The following FRAS1 variants were observed in gnomAD, a reference collection of about 807,000 sequenced individuals.
FRAS1 encodes the protein extracellular matrix organizing protein FRAS1.
In FRAS1, 290 loss-of-function variants were observed where a neutral mutation model predicts 435.2. The observed-to-expected ratio is 0.67, with a 90% CI of 0.61 to 0.73. The LOEUF (loss-of-function observed/expected upper bound fraction) is 0.73, where lower values mean the gene tolerates loss of function less well. Among genes scored for constraint, FRAS1 ranks in the 30% least tolerant of loss-of-function variants. The probability of loss-of-function intolerance (pLI) is 0.00; values close to 1 mark genes in which losing one functional copy is unlikely to be tolerated. For synonymous variants in FRAS1, 1,800 were observed against 1,851.0 expected, an observed-to-expected ratio of 0.97 and a Z score of 0.71; for missense variants, 4,860 against 5,001.5, an observed-to-expected ratio of 0.97 and a Z score of 0.85.
chr4:78,272,682 G>C (rs1295739470), intron 9 of FRAS1, among the ~76,000 whole-genome samples: 4 of 152,176 alleles, frequency 2.6e-5, no homozygotes, highest in African/African-American at 9.6e-5. Context: ...TCTCTGTTTT[G>C]GTACCAGTAC....
Position 78,424,498 on chromosome 4 carries a change from CATT to C in FRAS1, c.4711+82_4711+84del, listed in dbSNP as rs149695943. On this transcript the variant is annotated intron_variant, in intron 35 of 73. Transcript: ENST00000512123. Reference sequence around the variant, plus strand: ...AGTTCTTTCTTTTTGTTCCCATCATCATTATTTTTAGCTATTTTCTAAGAACTA... The same window carrying C: ...AGTTCTTTCTTTTTGTTCCCATCATCATTTTTAGCTATTTTCTAAGAACTA... 3,894 of 612,204 alleles carry C rather than the reference CATT, an allele frequency of 6.4e-3. 22 individuals carry two copies. The highest frequency in any genetic ancestry group is 8.4e-3 in the Non-Finnish European group (3,144 of 373,822). The allele number at this position is 612,204 out of a possible 1,614,324, so 37.9% of individuals were successfully genotyped here.
At chr4:78,302,663 A>G (rs406143) in intron 14 of FRAS1, among the ~76,000 whole-genome samples, 97,914 of 151,640 alleles carry the variant, frequency 0.65, 32,130 homozygotes, top group Non-Finnish European at 0.69. Flanking sequence ...CTTTTGAGAA[A>G]TGTCTGTTCA....
rs542738113 is a variant in FRAS1, at chr4:78,263,777, C to A, written c.604-1248C>A. Among the ~76,000 whole-genome samples, 21 of 152,272 alleles carry A rather than the reference C, an allele frequency of 1.4e-4. No homozygotes were observed. In the East Asian group the frequency reaches 4.0e-3, roughly 29 times the overall value. ...CATATAGAAAAATAAAGAAATAAAACAACCTAAAACAGAGAAAATAGTTGT... is the reference window on the plus strand; with the variant it reads ...CATATAGAAAAATAAAGAAATAAAAAAACCTAAAACAGAGAAAATAGTTGT... On this transcript the variant is annotated intron_variant, in intron 6 of 73. Coordinates refer to ENST00000512123, the MANE Select transcript of FRAS1 (RefSeq NM_025074.7).
At chr4:78,091,109 C>T (rs537433443) in intron 2 of FRAS1, among the ~76,000 whole-genome samples, 11 of 152,106 alleles carry the variant, frequency 7.2e-5, no homozygotes, top group Admixed American at 3.3e-4. Flanking sequence ...TTAGTTTCAC[C>T]GCTGTTTGAA....
chr4:78,335,820 A>G (rs553326664), intron 19 of FRAS1, among the ~76,000 whole-genome samples: 1 of 152,106 alleles, frequency 6.6e-6, no homozygotes, highest in African/African-American at 2.4e-5. Flanking sequence ...TTTGAAAATC[A>G]CTAGTTGGGA....
chr4:78,075,718 G>C (rs889188624), intron 2 of FRAS1, among the ~76,000 whole-genome samples: 1 of 152,170 alleles, frequency 6.6e-6, no homozygotes, highest in Non-Finnish European at 1.5e-5. Flanking sequence ...AAAGTACTTG[G>C]AATATAGTAA....
In FRAS1 at chr4:78,330,338, A is replaced by G. The variant is rs1342401413; in HGVS notation, c.2138-2934A>G. Among the ~76,000 whole-genome samples the G allele has an allele frequency of 2.0e-5, 3 of 152,206 alleles. No individual in the cohort carries two copies. In the South Asian group the frequency reaches 6.2e-4, roughly 32 times the overall value. ...ATGTATGTTGCCTAAGGACCCTGTA[A>G]TAATTGCATTAACTGCACAAATTAT... On this transcript the variant is annotated intron_variant, in intron 18 of 73. Transcript: ENST00000512123.
intron 61 of FRAS1, among the ~76,000 whole-genome samples, chr4:78,500,220 CA>C (rs1365267012): frequency 1.3e-5 from 2 of 152,122 alleles, no homozygotes; most frequent in Non-Finnish European, 1.5e-5. Context: ...AAAAAAAATA[CA>C]CACGTAACTG....
intron 2 of FRAS1, among the ~76,000 whole-genome samples, chr4:78,205,624 T>C (rs537534157): frequency 6.6e-6 from 1 of 152,064 alleles, no homozygotes; most frequent in South Asian, 2.1e-4. Context: ...AGGTTGGGAG[T>C]AGAAAAGAGA....
chr4:78,116,213 G>C (rs1158724135), intron 2 of FRAS1, among the ~76,000 whole-genome samples: 1 of 152,170 alleles, frequency 6.6e-6, no homozygotes, highest in East Asian at 1.9e-4. Flanking sequence ...TATAATGTCT[G>C]TTCTTTTACA....
rs527629043 is a variant in FRAS1 at position 78,262,142 on chromosome 4, G to C, written c.604-2883G>C. ...GATCATTTCTTTTTCTTTCTCCACTGCCCAGCCCTCTTATCTTCTGATCAC... is the reference window on the plus strand; with the variant it reads ...GATCATTTCTTTTTCTTTCTCCACTCCCCAGCCCTCTTATCTTCTGATCAC... On this transcript the variant is annotated intron_variant, in intron 6 of 73. Transcript: ENST00000512123. Among the ~76,000 whole-genome samples the C allele has an allele frequency of 3.3e-5, 5 of 152,190 alleles. No homozygotes were observed. The South Asian group carries it at 1.0e-3, about 32-fold the overall frequency.
chr4:78,132,062 GT>G (rs1193733114), intron 2 of FRAS1, among the ~76,000 whole-genome samples: 1 of 152,120 alleles, frequency 6.6e-6, no homozygotes, highest in Non-Finnish European at 1.5e-5. Flanking sequence ...AAATTCCTTT[GT>G]TTTCTCTTAC....
At chr4:78,128,505 G>A (rs1012834192) in intron 2 of FRAS1, among the ~76,000 whole-genome samples, 5 of 152,328 alleles carry the variant, frequency 3.3e-5, no homozygotes, top group African/African-American at 9.6e-5. Flanking sequence ...GATAGCCAGT[G>A]ATGATGAGCA....
intron 2 of FRAS1, among the ~76,000 whole-genome samples, chr4:78,188,404 G>T (rs750994792): frequency 2.0e-5 from 3 of 152,010 alleles, no homozygotes; most frequent in Non-Finnish European, 4.4e-5. Context: ...AATTACTTTT[G>T]CATCAACCTA....
In FRAS1 at chr4:78,429,165, G is replaced by A. The variant is rs553423158; in HGVS notation, c.4782G>A (p.Leu1594=). 44 of 1,599,168 alleles carry A rather than the reference G, an allele frequency of 2.8e-5. No homozygotes were observed. In the East Asian group the frequency reaches 9.2e-4, roughly 34 times the overall value. ...TIHLLPSDQQ[L]PVFQVTAPRL... is the part of the protein sequence containing the mutation. ...ACTTACTTCCCAGTGATCAGCAACT[G>A]CCAGTGTTCCAGGTCACAGCTCCAC... The change falls in exon 36 of 74, where the codon CTG becomes CTA. Residue 1594 remains leucine, a synonymous_variant. Coordinates refer to ENST00000512123, the MANE Select transcript of FRAS1 (RefSeq NM_025074.7).
chr4:78,478,720 G>A (rs771324080), intron 55 of FRAS1, among the ~76,000 whole-genome samples: 44 of 152,136 alleles, frequency 2.9e-4, no homozygotes, highest in Non-Finnish European at 6.2e-4. Flanking sequence ...TGATGATTTT[G>A]GGTTTCTTTC....
intron 2 of FRAS1, among the ~76,000 whole-genome samples, chr4:78,115,219 G>A (rs1743062157): frequency 6.6e-6 from 1 of 151,846 alleles, no homozygotes; most frequent in South Asian, 2.1e-4. Context: ...TGTGCTGCTG[G>A]ATTCGGTTTG....
At chr4:78,520,186 A>C (rs936733431) in intron 67 of FRAS1, among the ~76,000 whole-genome samples, 1 of 150,590 alleles carries the variant, frequency 6.6e-6, no homozygotes, top group Non-Finnish European at 1.5e-5. Context: ...TTCCACATAG[A>C]TGCTCCTTAA....
chr4:78,370,021 C>T (rs1731437710), intron 23 of FRAS1, 37 bp downstream of exon 23: 14 of 1,594,942 alleles, frequency 8.8e-6, no homozygotes, highest in Middle Eastern at 3.4e-4. Flanking sequence ...GATTCTTTTA[C>T]ACAGTGATAC....
Sources: allele counts gnomAD v4.1 joint callset (sites outside exome capture counted in the v4.1 genomes callset), GRCh38; gene constraint gnomAD v4.1.1; transcripts MANE v1.5; gene names NCBI Gene and HGNC (gene_info 2026-07-23, HGNC 2026-07-21).